PCDHA1: variants seen among roughly 807,000 people sequenced by gnomAD.
PCDHA1 encodes the protein protocadherin alpha 1.
Under a neutral mutation model 61.3 loss-of-function variants are expected in PCDHA1, and 42 were observed. The observed-to-expected ratio is 0.69, with a 90% confidence interval of 0.54 to 0.89. The LOEUF (loss-of-function observed/expected upper bound fraction) is 0.89. PCDHA1 is among the 40% of genes least tolerant of loss of function. The pLI, the probability that PCDHA1 is intolerant of heterozygous loss-of-function variation, is 0.00. For synonymous variants in PCDHA1, 610 were observed against 553.8 expected (o/e 1.10, Z -1.43); for missense variants, 1,256 against 1,235.3 (o/e 1.02, Z -0.25).
At chr5:140,954,781 T>A (rs1312700733) in intron 1 of PCDHA1, among the ~76,000 whole-genome samples, 1 of 152,208 alleles carries the variant, frequency 6.6e-6, no homozygotes, top group Non-Finnish European at 1.5e-5. Flanking sequence ...TTTAATTAGA[T>A]CTCATTTGTC....
At chr5:140,877,205 G>A in intron 1 of PCDHA1, 1 of 1,613,824 alleles carries the variant, frequency 6.2e-7, no homozygotes, top group South Asian at 1.1e-5. Flanking sequence ...GGCGCAGTTA[G>A]CGAGTTGGTA....
At chr5:141,008,299 C>T (rs1223779122) in intron 3 of PCDHA1, among the ~76,000 whole-genome samples, 2 of 152,120 alleles carry the variant, frequency 1.3e-5, no homozygotes, top group Non-Finnish European at 2.9e-5. Flanking sequence ...TGTACCCAAC[C>T]CTAAACTGTA....
chr5:140,982,286 A>C, intron 2 of PCDHA1, 189 bp from the exon 3 acceptor site: 1 of 1,075,236 alleles, frequency 9.3e-7, no homozygotes, highest in Non-Finnish European at 1.3e-6. Flanking sequence ...GCAGGCAATA[A>C]GTAAGTCAGC....
intron 3 of PCDHA1, among the ~76,000 whole-genome samples, chr5:140,986,372 G>C (rs570215048): frequency 2.1e-4 from 32 of 152,248 alleles, no homozygotes; most frequent in Admixed American, 5.2e-4. Context: ...ATGCGTTTTG[G>C]GGGGAGGGAC....
intron 1 of PCDHA1, among the ~76,000 whole-genome samples, chr5:140,881,674 T>C (rs782706305): frequency 5.3e-5 from 8 of 152,254 alleles, no homozygotes; most frequent in Non-Finnish European, 1.0e-4. Context: ...TCTTATGTGA[T>C]TGTTATGTTT....
chr5:140,897,806 CA>C (rs1351917169), intron 1 of PCDHA1, among the ~76,000 whole-genome samples: 11 of 152,166 alleles, frequency 7.2e-5, no homozygotes, highest in African/African-American at 2.7e-4. Flanking sequence ...GTCCCACCAA[CA>C]GTGTAAAAGT....
chr5:140,790,529 G>A (rs1220868938), intron 1 of PCDHA1, among the ~76,000 whole-genome samples: 7 of 152,002 alleles, frequency 4.6e-5, no homozygotes, highest in South Asian at 4.1e-4. Flanking sequence ...ATATATTATC[G>A]TACTCAGCCT....
chr5:140,919,231 C>T (rs984376374), intron 1 of PCDHA1, among the ~76,000 whole-genome samples: 1 of 152,160 alleles, frequency 6.6e-6, no homozygotes, highest in Admixed American at 6.6e-5. Context: ...TCTAGTAACA[C>T]TTTTTGTCTT....
chr5:140,824,919 C>G (rs1554130098), intron 1 of PCDHA1: 3 of 152,056 alleles, frequency 2.0e-5, no homozygotes, highest in African/African-American at 7.2e-5. Flanking sequence ...CCTGTATACC[C>G]ATGATGAATT....
intron 3 of PCDHA1, among the ~76,000 whole-genome samples, chr5:140,990,327 A>G (rs2097387817): frequency 1.3e-5 from 2 of 152,174 alleles, no homozygotes; most frequent in African/African-American, 4.8e-5. Flanking sequence ...AACAAACTTT[A>G]AAAATAAGTA....
intron 1 of PCDHA1, among the ~76,000 whole-genome samples, chr5:140,945,222 A>T (rs1019202574): frequency 4.6e-5 from 7 of 152,260 alleles, no homozygotes; most frequent in Middle Eastern, 6.8e-3. Context: ...AAATAAAAAT[A>T]CTTAGGAATA....
chr5:140,999,406 G>C (rs1459713118), intron 3 of PCDHA1, among the ~76,000 whole-genome samples: 1 of 152,166 alleles, frequency 6.6e-6, no homozygotes, highest in Non-Finnish European at 1.5e-5. Context: ...GCATATGAAA[G>C]AATGGGAGCT....
At chr5:140,947,171 A>G (rs2094098405) in intron 1 of PCDHA1, among the ~76,000 whole-genome samples, 2 of 151,546 alleles carry the variant, frequency 1.3e-5, no homozygotes, top group Non-Finnish European at 3.0e-5. Context: ...AAAATGTGGT[A>G]TATATTCATG....
chr5:140,818,720 C>G (rs2150102201), intron 1 of PCDHA1, among the ~76,000 whole-genome samples: 1 of 152,242 alleles, frequency 6.6e-6, no homozygotes, highest in African/African-American at 2.4e-5. Flanking sequence ...CACCTGTGGT[C>G]CCAGCTACTT....
chr5:140,907,733 A>C (rs2073566986), intron 1 of PCDHA1, among the ~76,000 whole-genome samples: 1 of 152,162 alleles, frequency 6.6e-6, no homozygotes, highest in Non-Finnish European at 1.5e-5. Context: ...CATCCCTGCC[A>C]CCATGGCCAC....
chr5:140,822,432 C>T, intron 1 of PCDHA1: 2 of 1,613,792 alleles, frequency 1.2e-6, no homozygotes, highest in East Asian at 2.2e-5. Context: ...GAGGAAAACC[C>T]GAACTAACAG....
At chr5:140,797,647 C>T (rs1039361824) in intron 1 of PCDHA1, among the ~76,000 whole-genome samples, 1 of 152,114 alleles carries the variant, frequency 6.6e-6, no homozygotes, top group East Asian at 1.9e-4. Flanking sequence ...AAACATTTCC[C>T]ATAAATATTT....
chr5:140,927,635 A>G (rs782672031), intron 1 of PCDHA1: 17 of 1,614,038 alleles, frequency 1.1e-5, no homozygotes, highest in East Asian at 4.5e-5. Context: ...ACTGCACCCA[A>G]TGGGACTGTG....
intron 1 of PCDHA1, chr5:140,794,832 A>C: frequency 1.0e-6 from 1 of 1,002,670 alleles, no homozygotes; most frequent in Non-Finnish European, 1.5e-6. Context: ...AGGAAGGAAA[A>C]TACCCAGAGC....
Sources: gnomAD v4.1 joint callset for allele counts (sites outside exome capture counted in the v4.1 genomes callset) on GRCh38, gnomAD v4.1.1 for gene constraint, MANE v1.5 for transcripts, NCBI Gene and HGNC (gene_info 2026-07-23, HGNC 2026-07-21) for gene names.